AK9: variants seen among roughly 807,000 people sequenced by gnomAD.
AK9 encodes the protein adenylate kinase 9, also known as adenylate kinase domain containing 1.
Under a neutral mutation model 239.6 loss-of-function variants are expected in AK9, and 191 were observed. The observed-to-expected ratio is 0.80, with a 90% CI of 0.71 to 0.90. The LOEUF is 0.90. Among genes scored for constraint, AK9 ranks in the 40% least tolerant of loss-of-function variants. The pLI is 0.00. For synonymous variants in AK9, 689 were observed against 721.0 expected (o/e 0.96, Z 0.71); for missense variants, 1,995 against 2,214.7 (o/e 0.90, Z 1.99).
At position 109,573,439 on chromosome 6, in the gene AK9, A is replaced by G. The variant is rs377583143; in HGVS notation, c.2344+3T>C. On this transcript the variant is annotated splice_donor_region_variant and intron_variant, in intron 21 of 40. Transcript: ENST00000424296. ...TAAGAACTTGCTATCAATAAAGTCT[A>G]ACCTGCTTCAGGCTCAGTTTCAGGG... 3.6e-5 allele frequency: 56 copies of G among 1,546,134 alleles called. No individual in the cohort carries two copies. The African/African-American group carries it at 7.1e-4, about 20-fold the overall frequency.
chr6:109,564,693 C>A lies in AK9; in HGVS notation c.2434+63G>T, dbSNP rs920106651. ...CACCTACTATGCCTAAAATTAGGGA[C>A]CCTTTGTAAGAAAATATGAAAAGTA... is the stretch of plus-strand genomic sequence containing the variant. On this transcript the variant is annotated intron_variant, in intron 22 of 40. Transcript: ENST00000424296. 56 of 1,281,020 alleles carry A rather than the reference C, an allele frequency of 4.4e-5. No homozygotes were observed. The South Asian group carries it at 6.0e-4, about 14-fold the overall frequency. The allele number at this position is 1,281,020 out of a possible 1,614,324, so 79.4% of individuals were successfully genotyped here. A position where few individuals can be genotyped will look rare whatever the true frequency, so the allele number is the denominator to read the frequency against.
intron 13 of AK9, among the ~76,000 whole-genome samples, chr6:109,617,721 T>C (rs983221940): frequency 6.6e-6 from 1 of 152,138 alleles, no homozygotes; most frequent in Non-Finnish European, 1.5e-5. Flanking sequence ...TACCATAGGA[T>C]CACAATTAAC....
chr6:109,652,096 A>T (rs1267224498), intron 8 of AK9, among the ~76,000 whole-genome samples: 1 of 152,194 alleles, frequency 6.6e-6, no homozygotes, highest in African/African-American at 2.4e-5. Flanking sequence ...TCAGAGAAAC[A>T]ACAAAAAAAG....
At chr6:109,624,300 C>T (rs921378514) in intron 12 of AK9, among the ~76,000 whole-genome samples, 3 of 152,096 alleles carry the variant, frequency 2.0e-5, no homozygotes, top group Non-Finnish European at 4.4e-5. Flanking sequence ...AACCCTCTTC[C>T]TTGTCAGGGA....
intron 10 of AK9, among the ~76,000 whole-genome samples, chr6:109,640,038 T>A (rs1399999906): frequency 6.6e-6 from 1 of 152,220 alleles, no homozygotes; most frequent in Non-Finnish European, 1.5e-5. Context: ...CCATGCTGTT[T>A]TGGTTACTGT....
chr6:109,647,345 T>A (rs1284835994), intron 8 of AK9, among the ~76,000 whole-genome samples: 4 of 152,044 alleles, frequency 2.6e-5, no homozygotes, highest in African/African-American at 9.7e-5. Context: ...AGGAGACCCA[T>A]CTCACGTGCA....
At chr6:109,687,797 G>A (rs1211702795) in intron 1 of AK9, among the ~76,000 whole-genome samples, 1 of 152,200 alleles carries the variant, frequency 6.6e-6, no homozygotes. Context: ...TCACAAATGT[G>A]TGTTGTTTTA....
chr6:109,513,798 C>CT (rs1778990333), intron 32 of AK9, among the ~76,000 whole-genome samples: 1 of 152,128 alleles, frequency 6.6e-6, no homozygotes, highest in South Asian at 2.1e-4. Context: ...ATGCACAAGG[C>CT]TTTTGTTTAA....
At chr6:109,678,813 G>A (rs2128346765) in intron 1 of AK9, among the ~76,000 whole-genome samples, 1 of 152,166 alleles carries the variant, frequency 6.6e-6, no homozygotes, top group South Asian at 2.1e-4. Flanking sequence ...AGGGTAAGCT[G>A]AAGCGGGGTG....
chr6:109,611,738 T>C (rs1490264814), intron 16 of AK9, among the ~76,000 whole-genome samples: 1 of 152,182 alleles, frequency 6.6e-6, no homozygotes, highest in Non-Finnish European at 1.5e-5. Flanking sequence ...CCTATTATAG[T>C]AGCTGTGTGC....
chr6:109,505,633 C>T (rs1034481771), intron 35 of AK9, among the ~76,000 whole-genome samples: 4 of 152,036 alleles, frequency 2.6e-5, no homozygotes, highest in Non-Finnish European at 5.9e-5. Context: ...AATCATGGAC[C>T]CGTATAACTA....
intron 12 of AK9, among the ~76,000 whole-genome samples, chr6:109,622,133 G>T: frequency 1.4e-5 from 2 of 142,340 alleles, no homozygotes; most frequent in African/African-American, 2.6e-5. Context: ...TACACATATT[G>T]TATATATTTT....
At chr6:109,580,271 A>T (rs1184949264) in intron 19 of AK9, among the ~76,000 whole-genome samples, 5 of 152,184 alleles carry the variant, frequency 3.3e-5, no homozygotes, top group Non-Finnish European at 7.4e-5. Context: ...CCTGGGGGGA[A>T]TCTGTTTTTC....
At chr6:109,517,235 C>T (rs1266311112) in intron 29 of AK9, among the ~76,000 whole-genome samples, 2 of 152,170 alleles carry the variant, frequency 1.3e-5, no homozygotes, top group East Asian at 3.9e-4. Flanking sequence ...TGTATCTCTA[C>T]ACCCTATTTT....
Position 109,585,215 on chromosome 6 carries a change from T to C in AK9, c.2022A>G (p.Ile674Met). 1.1e-6 allele frequency: 1 copy of C among 943,424 alleles called. No homozygotes were observed. The highest frequency in any genetic ancestry group is 1.4e-6 in the Non-Finnish European group (1 of 712,330). The allele number at this position is 943,424 out of a possible 1,614,324, so 58.4% of individuals were successfully genotyped here. A position where few individuals can be genotyped will look rare whatever the true frequency, so the allele number is the denominator to read the frequency against. Reference sequence around the variant, plus strand: ...CAATTTCAGATTTCTTCTGTAAATATATTCTATTAAATAAACATTTTCCTG... The same window carrying C: ...CAATTTCAGATTTCTTCTGTAAATACATTCTATTAAATAAACATTTTCCTG... ...ENNGKCLFNR[I>M]YLQKKSEIDS... The change falls in exon 19 of 41, where the codon ATA becomes ATG. Residue 674 changes from isoleucine to methionine, a missense_variant. By Grantham distance (10) the Ile-to-Met change is conservative. Coordinates refer to ENST00000424296, the MANE Select transcript of AK9 (RefSeq NM_001145128.3).
At chr6:109,573,896 C>A (rs1562432269) in intron 20 of AK9, among the ~76,000 whole-genome samples, 1 of 152,066 alleles carries the variant, frequency 6.6e-6, no homozygotes, top group African/African-American at 2.4e-5. Flanking sequence ...AGCCCAATGT[C>A]CAAAGAAATG....
chr6:109,564,088 G>A lies in AK9; in HGVS notation c.2627C>T (p.Thr876Ile), dbSNP rs1269642455. The A allele has an allele frequency of 1.9e-6, 3 of 1,550,510 alleles. No individual in the cohort carries two copies. In the Admixed American group the frequency reaches 5.9e-5, roughly 30 times the overall value. ...ATGATTAAAGCCCTTACTTTCCATA[G>A]TCTCAACTACTTTTTGAAGTAATTC... Reference protein sequence around the residue: ...PQELLQKVVETMEKPFQYTAW... With the variant: ...PQELLQKVVEIMEKPFQYTAW... Residue 876 changes from threonine to isoleucine, a missense_variant, in exon 23 of 41, where the codon ACT becomes ATT. Transcript: ENST00000424296.
At chr6:109,655,506 C>T (rs1467505720) in intron 8 of AK9, among the ~76,000 whole-genome samples, 1 of 152,140 alleles carries the variant, frequency 6.6e-6, no homozygotes, top group East Asian at 1.9e-4. Flanking sequence ...AGTGTGGTTT[C>T]ATCTATTTAA....
intron 17 of AK9, among the ~76,000 whole-genome samples, chr6:109,593,491 G>A (rs1460575887): frequency 6.6e-6 from 1 of 151,990 alleles, no homozygotes; most frequent in Non-Finnish European, 1.5e-5. Context: ...AGAAAAAGAG[G>A]GACTCCTTCC....
Sources: gnomAD v4.1 joint callset for allele counts (sites outside exome capture counted in the v4.1 genomes callset) on GRCh38, gnomAD v4.1.1 for gene constraint, MANE v1.5 for transcripts, NCBI Gene and HGNC (gene_info 2026-07-23, HGNC 2026-07-21) for gene names.